The following SH3PXD2A variants were observed in gnomAD, a reference collection of about 807,000 sequenced individuals.
The protein encoded by SH3PXD2A is SH3 and PX domain-containing protein 2A.
Under a neutral mutation model 115.2 loss-of-function variants are expected in SH3PXD2A, and 32 were observed. That is an observed-to-expected ratio of 0.28 (90% CI 0.21 to 0.37). SH3PXD2A has a LOEUF of 0.37. Ranked by LOEUF, SH3PXD2A falls within the 10% of genes least tolerant of loss-of-function variation. The pLI, the probability that SH3PXD2A is intolerant of heterozygous loss-of-function variation, is 1.00. For missense variants in SH3PXD2A, 1,328 were observed against 1,498.7 expected, an observed-to-expected ratio of 0.89 and a Z score of 1.88; for synonymous variants, 610 against 629.1, an observed-to-expected ratio of 0.97 and a Z score of 0.45.
intron 1 of SH3PXD2A, among the ~76,000 whole-genome samples, chr10:103,805,214 G>A (rs1038774829): frequency 3.3e-5 from 5 of 152,194 alleles, no homozygotes; most frequent in African/African-American, 1.2e-4. Flanking sequence ...CCTGGCAGCT[G>A]GGAGGATACA....
Position 103,601,284 on chromosome 10 carries a change from GCTT to G in SH3PXD2A, c.*529_*531del, listed in dbSNP as rs1246232611. The G allele has an allele frequency of 6.6e-6, 1 of 152,644 alleles. No individual in the cohort carries two copies. Among genetic ancestry groups the G allele is most frequent in the East Asian group, 1.9e-4 (1 of 5,196 alleles). 9.5% of individuals were successfully genotyped at this position (152,644 alleles called of 1,614,324 possible). ...CCCCCAAGCCTGAAAGCCAGTGGTGGCTTCTAATGTACCCACCTGTGGTAGGCG... is the reference window on the plus strand; with the variant it reads ...CCCCCAAGCCTGAAAGCCAGTGGTGGCTAATGTACCCACCTGTGGTAGGCG... On this transcript the variant is annotated 3_prime_UTR_variant, in exon 15 of 15. Transcript: ENST00000369774.
At chr10:103,840,310 C>T (rs2039584912) in intron 1 of SH3PXD2A, among the ~76,000 whole-genome samples, 1 of 152,232 alleles carries the variant, frequency 6.6e-6, no homozygotes, top group Non-Finnish European at 1.5e-5. Flanking sequence ...CCAATAAACA[C>T]ATCGCCACCC....
chr10:103,711,952 T>C (rs1204552299), intron 5 of SH3PXD2A, among the ~76,000 whole-genome samples: 1 of 151,902 alleles, frequency 6.6e-6, no homozygotes, highest in African/African-American at 2.4e-5. Flanking sequence ...TCCCAGCTAC[T>C]TGGGGGCTGA....
intron 8 of SH3PXD2A, among the ~76,000 whole-genome samples, chr10:103,644,585 C>CAA (rs34818569): frequency 0.032 from 3,242 of 102,222 alleles, 174 homozygotes; most frequent in African/African-American, 0.098. Flanking sequence ...GACCAAGTCT[C>CAA]AAAAAAAAAA....
At chr10:103,789,294 G>C (rs1286548559) in intron 2 of SH3PXD2A, among the ~76,000 whole-genome samples, 2 of 152,128 alleles carry the variant, frequency 1.3e-5, no homozygotes, top group East Asian at 3.9e-4. Context: ...CTACATCCTG[G>C]GCTGCCCACT....
intron 5 of SH3PXD2A, among the ~76,000 whole-genome samples, chr10:103,715,436 CT>C (rs1319152008): frequency 6.6e-6 from 1 of 152,230 alleles, no homozygotes; most frequent in Non-Finnish European, 1.5e-5. Flanking sequence ...ACAGCTGGCA[CT>C]CAGTAACTAC....
intron 3 of SH3PXD2A, among the ~76,000 whole-genome samples, chr10:103,765,935 A>G (rs2038749914): frequency 6.6e-6 from 1 of 152,230 alleles, no homozygotes; most frequent in Non-Finnish European, 1.5e-5. Context: ...CTACACCCTC[A>G]CTGACTAGTT....
chr10:103,769,354 G>C (rs1232629968), intron 2 of SH3PXD2A, among the ~76,000 whole-genome samples: 1 of 151,962 alleles, frequency 6.6e-6, no homozygotes, highest in African/African-American at 2.4e-5. Flanking sequence ...ACAAGACAAA[G>C]ACTGCAGCAT....
intron 5 of SH3PXD2A, among the ~76,000 whole-genome samples, chr10:103,695,317 C>A (rs1276052237): frequency 2.0e-5 from 3 of 152,034 alleles, no homozygotes; most frequent in Non-Finnish European, 4.4e-5. Context: ...TGAGACCAGC[C>A]TAGGCAACAT....
chr10:103,674,011 C>T (rs2037497196), intron 6 of SH3PXD2A, among the ~76,000 whole-genome samples: 1 of 152,202 alleles, frequency 6.6e-6, no homozygotes, highest in South Asian at 2.1e-4. Context: ...CACTCAAGCC[C>T]TCTCTCTCTT....
chr10:103,632,023 C>G (rs1240991370), intron 8 of SH3PXD2A, among the ~76,000 whole-genome samples: 1 of 152,110 alleles, frequency 6.6e-6, no homozygotes, highest in Non-Finnish European at 1.5e-5. Context: ...CGCTAACCAC[C>G]CTAGGTGGTG....
At chr10:103,827,072 G>A (rs1393729659) in intron 1 of SH3PXD2A, among the ~76,000 whole-genome samples, 2 of 152,134 alleles carry the variant, frequency 1.3e-5, no homozygotes, top group Non-Finnish European at 2.9e-5. Flanking sequence ...ATCCTGACAG[G>A]TCCACAACCA....
At chr10:103,832,648 C>T (rs2039493871) in intron 1 of SH3PXD2A, among the ~76,000 whole-genome samples, 1 of 152,076 alleles carries the variant, frequency 6.6e-6, no homozygotes, top group African/African-American at 2.4e-5. Context: ...CAAACTATCG[C>T]AAGGACAAAA....
intron 1 of SH3PXD2A, among the ~76,000 whole-genome samples, chr10:103,814,926 T>C (rs1387372375): frequency 6.6e-6 from 1 of 152,072 alleles, no homozygotes; most frequent in African/African-American, 2.4e-5. Context: ...GAGGCCTCCC[T>C]GGAGTGAGGA....
intron 8 of SH3PXD2A, among the ~76,000 whole-genome samples, chr10:103,643,902 G>A (rs916681950): frequency 6.6e-6 from 1 of 150,620 alleles, no homozygotes; most frequent in Admixed American, 6.6e-5. Flanking sequence ...ACGAGGTCAG[G>A]AGATCGAGAC....
chr10:103,719,704 TC>T (rs1025052666), intron 5 of SH3PXD2A, among the ~76,000 whole-genome samples: 11 of 148,658 alleles, frequency 7.4e-5, no homozygotes, highest in African/African-American at 2.7e-4. Flanking sequence ...AATTTCTTTT[TC>T]TTTTTTTTTT....
intron 2 of SH3PXD2A, among the ~76,000 whole-genome samples, chr10:103,782,942 G>A (rs202131090): frequency 0.12 from 18,704 of 151,452 alleles, 1,450 homozygotes; most frequent in Admixed American, 0.16. Flanking sequence ...TTGGGGGGGG[G>A]GGCTCTCTGA....
chr10:103,854,189 T>C (rs899983882), intron 1 of SH3PXD2A, among the ~76,000 whole-genome samples: 1 of 152,184 alleles, frequency 6.6e-6, no homozygotes, highest in African/African-American at 2.4e-5. Context: ...GAGATCAATG[T>C]ACAATCCAGG....
At chr10:103,682,976 A>G (rs1367145577) in intron 6 of SH3PXD2A, among the ~76,000 whole-genome samples, 6 of 151,572 alleles carry the variant, frequency 4.0e-5, no homozygotes, top group Non-Finnish European at 5.9e-5. Flanking sequence ...CTTATGATAC[A>G]CTCTCCATGA....
Sources: allele counts gnomAD v4.1 joint callset (sites outside exome capture counted in the v4.1 genomes callset), GRCh38; gene constraint gnomAD v4.1.1; transcripts MANE v1.5; gene names NCBI Gene and HGNC (gene_info 2026-07-23, HGNC 2026-07-21).